TMEM132B: variants seen among roughly 807,000 people sequenced by gnomAD.
TMEM132B encodes the protein transmembrane protein 132B.
TMEM132B carries 18 observed loss-of-function variants against 90.8 expected under a neutral mutation model. The ratio of observed to expected loss-of-function variants is 0.20; its 90% CI spans 0.14 to 0.29. The LOEUF is 0.29. Among genes scored for constraint, TMEM132B ranks in the 10% least tolerant of loss-of-function variants. The pLI is 1.00. For synonymous variants in TMEM132B, 504 were observed against 523.3 expected, an observed-to-expected ratio of 0.96 and a Z score of 0.50; for missense variants, 1,096 against 1,326.8, an observed-to-expected ratio of 0.83 and a Z score of 2.70.
At chr12:125,513,088 C>T (rs796270513) in intron 3 of TMEM132B, among the ~76,000 whole-genome samples, 16 of 152,324 alleles carry the variant, frequency 1.1e-4, no homozygotes, top group African/African-American at 3.6e-4. Context: ...CCAGCCTCCC[C>T]GGGAGCCTTC....
intron 4 of TMEM132B, among the ~76,000 whole-genome samples, chr12:125,557,347 T>C (rs938593133): frequency 6.6e-6 from 1 of 152,126 alleles, no homozygotes; most frequent in Non-Finnish European, 1.5e-5. Context: ...GATTCATCTC[T>C]TGGGGTTGCT....
At chr12:125,322,330 TC>T in intron 1 of TMEM132B, among the ~76,000 whole-genome samples, 1 of 152,244 alleles carries the variant, frequency 6.6e-6, no homozygotes, top group East Asian at 1.9e-4. Context: ...TTGTGAGGCC[TC>T]CCCAGCCATG....
At chr12:125,591,188 G>A (rs1268397946) in intron 5 of TMEM132B, among the ~76,000 whole-genome samples, 2 of 152,024 alleles carry the variant, frequency 1.3e-5, no homozygotes, top group East Asian at 1.9e-4. Flanking sequence ...TTTTTAATCC[G>A]TATCACCTGG....
intron 1 of TMEM132B, among the ~76,000 whole-genome samples, chr12:125,278,150 C>T (rs571452175): frequency 6.6e-6 from 1 of 152,322 alleles, no homozygotes; most frequent in South Asian, 2.1e-4. Context: ...AAATGTGGCA[C>T]TCTATGTGTT....
intron 1 of TMEM132B, among the ~76,000 whole-genome samples, chr12:125,294,295 G>T (rs12146745): frequency 0.14 from 20,786 of 152,248 alleles, 1,586 homozygotes; most frequent in African/African-American, 0.2. Flanking sequence ...AGGCATGCTT[G>T]CATTGCTGGC....
At chr12:125,510,557 A>AT (rs1566058205) in intron 3 of TMEM132B, among the ~76,000 whole-genome samples, 1 of 152,220 alleles carries the variant, frequency 6.6e-6, no homozygotes, top group Non-Finnish European at 1.5e-5. Flanking sequence ...GTGATCTTCT[A>AT]TGTTTACGTA....
rs374294734 is a variant in TMEM132B at position 125,332,535 on chromosome 12, C to T, written c.68-16917C>T. Among the ~76,000 whole-genome samples the T allele has an allele frequency of 2.7e-5, 4 of 145,560 alleles. No homozygotes were observed. In the East Asian group the frequency reaches 6.3e-4, roughly 23 times the overall value. On this transcript the variant is annotated intron_variant, in intron 1 of 8. Transcript: ENST00000682704. ...TTTCTTCATAGCTCTGCACTTTCTGCGTCACGGGGACCCTTATGTCATCTG... is the reference window on the plus strand; with the variant it reads ...TTTCTTCATAGCTCTGCACTTTCTGTGTCACGGGGACCCTTATGTCATCTG...
In TMEM132B at chr12:125,283,913, C is replaced by G. The variant is rs547093510; in HGVS notation, c.68-65539C>G. On this transcript the variant is annotated intron_variant, in intron 1 of 8. Coordinates refer to ENST00000682704, the MANE Select transcript of TMEM132B (RefSeq NM_001366854.1). Reference sequence around the variant, plus strand: ...CCTCTCATTTTACAGATAAAGGAATCGAGGTCCAGGAAGGGGAGTAGAATT... The same window carrying G: ...CCTCTCATTTTACAGATAAAGGAATGGAGGTCCAGGAAGGGGAGTAGAATT... Among the ~76,000 whole-genome samples the G allele has an allele frequency of 1.8e-4, 28 of 152,280 alleles. 1 individual carries two copies. The highest frequency in any genetic ancestry group is 6.7e-4 in the African/African-American group (28 of 41,560).
chr12:125,454,163 G>A (rs193046409), intron 3 of TMEM132B, among the ~76,000 whole-genome samples: 1 of 152,068 alleles, frequency 6.6e-6, no homozygotes, highest in South Asian at 2.1e-4. Flanking sequence ...TCAGAAAGAG[G>A]CAGCAAAGTT....
At chr12:125,594,859 C>T (rs1162324082) in intron 5 of TMEM132B, among the ~76,000 whole-genome samples, 1 of 152,096 alleles carries the variant, frequency 6.6e-6, no homozygotes, top group Non-Finnish European at 1.5e-5. Context: ...CTAATAGGGT[C>T]TTTAGAGGAG....
At chr12:125,309,943 T>C (rs914940771) in intron 1 of TMEM132B, among the ~76,000 whole-genome samples, 1 of 152,194 alleles carries the variant, frequency 6.6e-6, no homozygotes, top group African/African-American at 2.4e-5. Context: ...GTCTGGGGGT[T>C]GATGCTGCTG....
At chr12:125,255,352 TG>T (rs1874415099) in intron 1 of TMEM132B, among the ~76,000 whole-genome samples, 1 of 150,550 alleles carries the variant, frequency 6.6e-6, no homozygotes, top group African/African-American at 2.5e-5. Flanking sequence ...CGCGAGGGGG[TG>T]GGGGTTGTAG....
chr12:125,467,303 G>C (rs1190036723), intron 3 of TMEM132B, among the ~76,000 whole-genome samples: 2 of 152,120 alleles, frequency 1.3e-5, no homozygotes, highest in Non-Finnish European at 2.9e-5. Flanking sequence ...CAAAGGTTCT[G>C]GGAATATTAT....
intron 1 of TMEM132B, among the ~76,000 whole-genome samples, chr12:125,321,974 A>G (rs1876437667): frequency 6.6e-6 from 1 of 152,238 alleles, no homozygotes; most frequent in African/African-American, 2.4e-5. Flanking sequence ...ATGGAATAAA[A>G]AGGCACAACC....
intron 1 of TMEM132B, among the ~76,000 whole-genome samples, chr12:125,348,656 G>C (rs556906149): frequency 6.6e-6 from 1 of 152,104 alleles, no homozygotes; most frequent in East Asian, 1.9e-4. Context: ...TTATTAACTC[G>C]TTAATCCTTG....
chr12:125,417,594 G>A (rs893067103), intron 3 of TMEM132B, among the ~76,000 whole-genome samples: 1 of 152,196 alleles, frequency 6.6e-6, no homozygotes, highest in Non-Finnish European at 1.5e-5. Flanking sequence ...TATCAGGTGG[G>A]TTTGTGTCCC....
chr12:125,561,332 G>A (rs1884521502), intron 4 of TMEM132B, among the ~76,000 whole-genome samples: 1 of 151,808 alleles, frequency 6.6e-6, no homozygotes, highest in African/African-American at 2.4e-5. Flanking sequence ...GAGAACACAT[G>A]GACATAGGGA....
At chr12:125,301,497 C>G (rs1446935983) in intron 1 of TMEM132B, 3 of 152,334 alleles carry the variant, frequency 2.0e-5, no homozygotes, top group Non-Finnish European at 2.9e-5. Flanking sequence ...ACCCAAGCTA[C>G]CGGAGGATGG....
chr12:125,256,342 A>T (rs2136106582), intron 1 of TMEM132B, among the ~76,000 whole-genome samples: 1 of 152,378 alleles, frequency 6.6e-6, no homozygotes. Context: ...GAGGAAGGTC[A>T]GTCATGGAGG....
Sources: gnomAD v4.1 joint callset for allele counts (sites outside exome capture counted in the v4.1 genomes callset) on GRCh38, gnomAD v4.1.1 for gene constraint, MANE v1.5 for transcripts, NCBI Gene and HGNC (gene_info 2026-07-23, HGNC 2026-07-21) for gene names.